ZNF324B: variants seen among roughly 807,000 people sequenced by gnomAD.
ZNF324B encodes the protein zinc finger protein 324B.
In ZNF324B, 7 loss-of-function variants were observed where a neutral mutation model predicts 10.6. The ratio of observed to expected loss-of-function variants is 0.66; its 90% confidence interval spans 0.38 to 1.24. The LOEUF is 1.24. ZNF324B is among the 50% of genes most tolerant of loss of function. The pLI, the probability that ZNF324B is intolerant of heterozygous loss-of-function variation, is 0.02. For missense variants in ZNF324B, 640 were observed against 764.7 expected, an observed-to-expected ratio of 0.84 and a Z score of 1.92; for synonymous variants, 316 against 321.0, an observed-to-expected ratio of 0.98 and a Z score of 0.17.
the ZNF324B span, chr19:58,433,657 T>C: frequency 1.2e-6 from 2 of 1,614,184 alleles, no homozygotes; most frequent in Non-Finnish European, 1.7e-6. Flanking sequence ...ATAAGGCTTT[T>C]CTCCAGTATG....
rs1162351068 is a variant in ZNF324B at position 58,455,033 on chromosome 19, C to T, written c.239-150C>T. 9.2e-7 allele frequency: 1 copy of T among 1,081,512 alleles called. No individual in the cohort carries two copies. The allele number at this position is 1,081,512 out of a possible 1,614,324, so 67.0% of individuals were successfully genotyped here. Reference sequence around the variant, plus strand: ...GTCAGGGCAGATGCTTCCTCCAAACCCCAGCCCCTCCTGCAGAGCCAGCCT... The same window carrying T: ...GTCAGGGCAGATGCTTCCTCCAAACTCCAGCCCCTCCTGCAGAGCCAGCCT... On this transcript the variant is annotated intron_variant, in intron 3 of 3. Coordinates refer to ENST00000336614, the MANE Select transcript of ZNF324B (RefSeq NM_207395.3). The surrounding 1 kb of genome is among the most constrained non-coding windows in gnomAD (Gnocchi z 7.0).
At chr19:58,420,704 C>G in the ZNF324B span, among the ~76,000 whole-genome samples, 1,233 of 151,866 alleles carry the variant, frequency 8.1e-3, 14 homozygotes, top group South Asian at 0.022. Flanking sequence ...CTTATACCCA[C>G]TTTTATTTTA....
At chr19:58,446,959 C>T (rs994544499), upstream of ZNF324B, among the ~76,000 whole-genome samples, 7 of 149,670 alleles carry the variant, frequency 4.7e-5, no homozygotes, top group South Asian at 4.3e-4. Flanking sequence ...TTTCTTTTCT[C>T]GTCCTTTCTT....
chr19:58,439,692 A>G, the ZNF324B span: 5 of 1,457,822 alleles, frequency 3.4e-6, no homozygotes, highest in Non-Finnish European at 4.6e-6. Flanking sequence ...CATCCCCTCT[A>G]TCTGGGCTTC....
chr19:58,435,383 G>C, the ZNF324B span: 1 of 725,256 alleles, frequency 1.4e-6, no homozygotes, highest in African/African-American at 1.8e-5. Flanking sequence ...GGCAGGATAG[G>C]GACCAGCCAA....
At chr19:58,430,244 A>C in the ZNF324B span, 1 of 152,222 alleles carries the variant, frequency 6.6e-6, no homozygotes, top group East Asian at 1.9e-4. Context: ...AGCCTTCCCT[A>C]GTCAAGCCTT....
At position 58,455,648 on chromosome 19, in the gene ZNF324B, T is replaced by G; in HGVS notation, c.704T>G (p.Leu235Arg). Reference protein sequence around the residue: ...GAAWQEPHRLLGGQEPSTWDE... With the variant: ...GAAWQEPHRLRGGQEPSTWDE... Reference sequence around the variant, plus strand: ...GCTTGGCAGGAGCCTCATAGACTCCTCGGTGGCCAGGAGCCCTCGACCTGG... The same window carrying G: ...GCTTGGCAGGAGCCTCATAGACTCCGCGGTGGCCAGGAGCCCTCGACCTGG... Residue 235 changes from leucine (L) to arginine (R), a missense_variant, in exon 4 of 4, where the codon CTC (leucine) becomes CGC (arginine). Physicochemically the swap from Leu to Arg is moderately radical, Grantham distance 102. Around this residue, in one of 3 missense-constraint regions of ZNF324B, gnomAD observed 345 missense variants for 387.9 expected, o/e 0.89. Coordinates refer to ENST00000336614, the MANE Select transcript of ZNF324B (RefSeq NM_207395.3). This position sits in a 1 kb window ranked among gnomAD's most constrained non-coding sequence, Gnocchi z 7.0. 2 of 1,613,690 alleles carry G rather than the reference T, an allele frequency of 1.2e-6. No individual in the cohort carries two copies. Among genetic ancestry groups the G allele is most frequent in the Non-Finnish European group, 1.7e-6 (2 of 1,179,932 alleles).
Position 58,456,362 on chromosome 19 carries a change from G to T in ZNF324B, c.1418G>T (p.Arg473Leu). The change falls in exon 4 of 4, where the codon CGC becomes CTC. Residue 473 changes from arginine to leucine, a missense_variant. By Grantham distance (102) the Arg-to-Leu change is moderately radical (BLOSUM62 -2). This residue lies in a region of ZNF324B where 238 missense variants were observed against 258.0 expected (regional missense o/e 0.92). Coordinates refer to ENST00000336614, the MANE Select transcript of ZNF324B (RefSeq NM_207395.3). This position sits in a 1 kb window ranked among gnomAD's most constrained non-coding sequence, Gnocchi z 4.7. ...GGCGCCGTGCTGCTCAGCCACCGGC[G>T]CATTCACACGGGCGAGAAGCCCTTC... The part of the protein sequence containing the change: ...AKGAVLLSHR[R>L]IHTGEKPFVC... The T allele has an allele frequency of 2.5e-6, 4 of 1,612,706 alleles. No homozygotes were observed. The South Asian group carries it at 3.3e-5, about 13-fold the overall frequency.
the ZNF324B span, among the ~76,000 whole-genome samples, chr19:58,424,204 G>C: frequency 6.6e-6 from 1 of 152,046 alleles, no homozygotes; most frequent in East Asian, 1.9e-4. Flanking sequence ...AGCTGAGATC[G>C]CACCATTGCA....
the ZNF324B span, chr19:58,442,346 T>A: frequency 6.7e-6 from 1 of 150,298 alleles, no homozygotes; most frequent in Non-Finnish European, 1.5e-5. Context: ...TTTTTTTTTT[T>A]TGTATTTTTA....
the ZNF324B span, chr19:58,435,165 A>T: frequency 6.2e-7 from 1 of 1,614,138 alleles, no homozygotes; most frequent in South Asian, 1.1e-5. Context: ...CTACAGAAAC[A>T]TTCTGCTTGG....
At chr19:58,447,090 C>A (rs2052831588), upstream of ZNF324B, among the ~76,000 whole-genome samples, 2 of 152,190 alleles carry the variant, frequency 1.3e-5, no homozygotes. Context: ...ATTCTTCTGT[C>A]TCAGCCTCCC....
chr19:58,430,038 T>C, the ZNF324B span: 1 of 152,236 alleles, frequency 6.6e-6, no homozygotes, highest in East Asian at 1.9e-4. Context: ...ACTTCTGTTA[T>C]TAGGTTACAA....
At chr19:58,454,186 G>T (rs1442000920) in intron 2 of ZNF324B, 42 bp from the exon 3 acceptor site, 3 of 1,366,154 alleles carry the variant, frequency 2.2e-6, no homozygotes, top group South Asian at 2.3e-5. Context: ...GAGGTGGGTT[G>T]TCTTGACCTG....
chr19:58,437,184 G>A, the ZNF324B span: 1 of 1,610,348 alleles, frequency 6.2e-7, no homozygotes, highest in Non-Finnish European at 8.5e-7. Flanking sequence ...CTTCAATGTG[G>A]GGACAGCTGA....
At chr19:58,423,300 G>T in the ZNF324B span, among the ~76,000 whole-genome samples, 4 of 151,986 alleles carry the variant, frequency 2.6e-5, no homozygotes, top group Admixed American at 2.0e-4. Context: ...AGCTGGGACT[G>T]TTGGCATGTG....
chr19:58,456,127 A>C lies in ZNF324B; in HGVS notation c.1183A>C (p.Lys395Gln). The stretch of plus-strand genomic sequence containing the variant: ...GCACGAGCGTACGCACACAGGCGAG[A>C]AGCCCTTCGTATGCGCGCTCTGCGG... ...IQHERTHTGE[K>Q]PFVCALCGAA... The change falls in exon 4 of 4, where the codon AAG becomes CAG. Residue 395 changes from lysine (K) to glutamine (Q), a missense_variant. By Grantham distance (53) the Lys-to-Gln change is moderately conservative (BLOSUM62 1). Transcript: ENST00000336614. The surrounding 1 kb of genome is among the most constrained non-coding windows in gnomAD (Gnocchi z 4.7). The C allele has an allele frequency of 1.9e-6, 3 of 1,613,454 alleles. No individual in the cohort carries two copies. Among genetic ancestry groups the C allele is most frequent in the Non-Finnish European group, 1.7e-6 (2 of 1,179,848 alleles).
At chr19:58,431,356 CAG>C in the ZNF324B span, among the ~76,000 whole-genome samples, 1 of 152,178 alleles carries the variant, frequency 6.6e-6, no homozygotes. Flanking sequence ...GCAGGGAGAA[CAG>C]AGAGGGATCT....
At chr19:58,453,874 C>T in intron 2 of ZNF324B, 52 bp downstream of exon 2, 4 of 1,586,350 alleles carry the variant, frequency 2.5e-6, no homozygotes, top group Non-Finnish European at 3.4e-6. Context: ...ATCAGGACTG[C>T]CTCTTCACTT....
Sources: allele counts gnomAD v4.1 joint callset (sites outside exome capture counted in the v4.1 genomes callset), GRCh38; gene constraint gnomAD v4.1.1; regional missense constraint gnomAD v4.1.1; non-coding constraint Gnocchi (gnomAD v3.1); transcripts MANE v1.5; gene names NCBI Gene and HGNC (gene_info 2026-07-23, HGNC 2026-07-21).